The following PDE8A variants were observed in gnomAD, a reference collection of about 807,000 sequenced individuals.
The protein encoded by PDE8A is high affinity cAMP-specific and IBMX-insensitive 3',5'-cyclic phosphodiesterase 8A.
A neutral mutation model predicts 105.0 loss-of-function variants in PDE8A; 59 were observed. The observed-to-expected ratio is 0.56, with a 90% CI of 0.46 to 0.70. The LOEUF (loss-of-function observed/expected upper bound fraction) is 0.70, where lower values mean the gene tolerates loss of function less well. PDE8A is among the 30% of genes least tolerant of loss of function. The probability of loss-of-function intolerance (pLI) is 0.00; values close to 1 mark genes in which losing one functional copy is unlikely to be tolerated. For missense variants in PDE8A, 1,014 were observed against 1,045.9 expected, an observed-to-expected ratio of 0.97 and a Z score of 0.42; for synonymous variants, 355 against 371.9, an observed-to-expected ratio of 0.95 and a Z score of 0.52.
At chr15:84,991,609 T>C (rs2079886488) in intron 1 of PDE8A, among the ~76,000 whole-genome samples, 1 of 152,232 alleles carries the variant, frequency 6.6e-6, no homozygotes, top group African/African-American at 2.4e-5. Flanking sequence ...GAAACTCTTA[T>C]ATATCTTTAC....
intron 1 of PDE8A, among the ~76,000 whole-genome samples, chr15:84,995,579 C>T (rs1212568111): frequency 1.3e-5 from 2 of 152,156 alleles, no homozygotes; most frequent in Non-Finnish European, 2.9e-5. Context: ...CCTCAGCTTC[C>T]CAAAGTGTTG....
chr15:85,094,548 A>G (rs1244391998), intron 8 of PDE8A, among the ~76,000 whole-genome samples: 1 of 152,258 alleles, frequency 6.6e-6, no homozygotes, highest in African/African-American at 2.4e-5. Flanking sequence ...TATCATCTTA[A>G]TTGTCTAGCA....
At chr15:85,006,627 T>C (rs151331099) in intron 1 of PDE8A, among the ~76,000 whole-genome samples, 2 of 152,354 alleles carry the variant, frequency 1.3e-5, no homozygotes, top group Admixed American at 1.3e-4. Flanking sequence ...ATTGGAGAAA[T>C]AGAGTTTTTC....
Position 85,100,046 on chromosome 15 carries a change from G to A in PDE8A, c.973G>A (p.Val325Met). The part of the protein sequence containing the change: ...KIRHYVSIIR[V>M]CNGNNKAEKI... ...TAGACACTATGTGTCCATTATCAGA[G>A]TGTGCAATGGCAACAATAAGGTACG... The change falls in exon 10 of 22, where the codon GTG (valine) becomes ATG (methionine). Residue 325 changes from valine (V) to methionine (M), a missense_variant. Physicochemically the swap from Val to Met is conservative, Grantham distance 21. Coordinates refer to ENST00000394553, the MANE Select transcript of PDE8A (RefSeq NM_002605.3). 1.2e-6 allele frequency: 2 copies of A among 1,613,672 alleles called. No individual in the cohort carries two copies. Among genetic ancestry groups the A allele is most frequent in the Non-Finnish European group, 1.7e-6 (2 of 1,179,748 alleles).
chr15:85,003,570 G>T (rs996118305), intron 1 of PDE8A, among the ~76,000 whole-genome samples: 1 of 152,100 alleles, frequency 6.6e-6, no homozygotes, highest in Non-Finnish European at 1.5e-5. Flanking sequence ...GCCCCAAAAC[G>T]CTTTTTCAGC....
chr15:85,034,307 C>T (rs189429430), intron 1 of PDE8A, among the ~76,000 whole-genome samples: 12 of 152,210 alleles, frequency 7.9e-5, no homozygotes, highest in African/African-American at 2.4e-4. Context: ...TTCTCGTGAA[C>T]GCTTCTTGGA....
At chr15:85,057,963 G>A (rs114756247) in intron 1 of PDE8A, among the ~76,000 whole-genome samples, 2,293 of 152,126 alleles carry the variant, frequency 0.015, 59 homozygotes, top group African/African-American at 0.052. Context: ...GAGGATTTTT[G>A]CATCAGTGTT....
chr15:85,015,234 G>C (rs289419), intron 1 of PDE8A, among the ~76,000 whole-genome samples: 111,389 of 151,244 alleles, frequency 0.74, 41,139 homozygotes, highest in Non-Finnish European at 0.77. Flanking sequence ...ATATGACCTT[G>C]TGCATAAGTC....
intron 12 of PDE8A, 52 bp downstream of exon 12, chr15:85,109,182 A>T (rs768912574): frequency 1.6e-6 from 2 of 1,254,656 alleles, no homozygotes; most frequent in Non-Finnish European, 2.3e-6. Context: ...TGTTGAACAC[A>T]TGGAGCCCTG....
intron 1 of PDE8A, among the ~76,000 whole-genome samples, chr15:84,997,958 A>T (rs2080007221): frequency 6.6e-6 from 1 of 152,198 alleles, no homozygotes; most frequent in African/African-American, 2.4e-5. Flanking sequence ...GTGCACAAAG[A>T]CTTGGATTTA....
chr15:85,050,277 TG>T (rs1390833657), intron 1 of PDE8A, among the ~76,000 whole-genome samples: 1 of 152,218 alleles, frequency 6.6e-6, no homozygotes, highest in Non-Finnish European at 1.5e-5. Flanking sequence ...ATTTTTACTC[TG>T]TTGATGTTGT....
At chr15:85,085,717 T>C (rs1887354380) in intron 6 of PDE8A, among the ~76,000 whole-genome samples, 1 of 145,940 alleles carries the variant, frequency 6.9e-6, no homozygotes, top group African/African-American at 2.5e-5. Context: ...AAGAATTTAG[T>C]AGATGATCGG....
At chr15:84,990,055 A>AGCGCAAAATTTGAACTTTGG (rs1284136603) in intron 1 of PDE8A, among the ~76,000 whole-genome samples, 6 of 152,162 alleles carry the variant, frequency 3.9e-5, no homozygotes, top group Non-Finnish European at 8.8e-5. Context: ...CAAGTACTAG[A>AGCGCAAAATTTGAACTTTGG]GCGCAAAATT....
intron 9 of PDE8A, 47 bp from the exon 10 acceptor site, chr15:85,099,968 A>T: frequency 6.8e-7 from 1 of 1,478,736 alleles, no homozygotes; most frequent in South Asian, 1.2e-5. Flanking sequence ...CATATCCATC[A>T]AATTAGAGAC....
Position 85,138,048 on chromosome 15 carries a change from T to TAACCTTCAGCAGC in PDE8A, c.*152_*153insAGCAGCAACCTTC. The TAACCTTCAGCAGC allele has an allele frequency of 1.7e-6, 1 of 578,736 alleles. No homozygotes were observed. 35.9% of individuals were successfully genotyped at this position (578,736 alleles called of 1,614,324 possible). On this transcript the variant is annotated 3_prime_UTR_variant, in exon 22 of 22. Transcript: ENST00000394553. ...CTGTGAAAGCCCACGGGGACATCAG[T>TAACCTTCAGCAGC]AACCTTCTGCAGCCACCATCCAATG...
rs758535989 is a variant in PDE8A, at chr15:85,121,032, G to A, written c.1952+18G>A. On this transcript the variant is annotated intron_variant, in intron 18 of 21. Coordinates refer to ENST00000394553, the MANE Select transcript of PDE8A (RefSeq NM_002605.3). ...ATGGAGAGGTAAGAACAATGATTGGGAAGTGTGTTGATCCCTCTCTTTCTT... is the reference window on the plus strand; with the variant it reads ...ATGGAGAGGTAAGAACAATGATTGGAAAGTGTGTTGATCCCTCTCTTTCTT... 10 of 1,456,388 alleles carry A rather than the reference G, an allele frequency of 6.9e-6. No homozygotes were observed. The South Asian group carries it at 9.4e-5, about 14-fold the overall frequency. The allele number at this position is 1,456,388 out of a possible 1,614,324, so 90.2% of individuals were successfully genotyped here.
In PDE8A at chr15:85,049,108, TAAAAA is replaced by T. The variant is rs1477830877; in HGVS notation, c.187-15260_187-15256del. On this transcript the variant is annotated intron_variant, in intron 1 of 21. Transcript: ENST00000394553. ...CAGAGTGAGACTCCATCTCAAAAAA[TAAAAA>T]ATAAAATAAAAAAGAAAATGATTAT... 2.0e-5 allele frequency among the ~76,000 whole-genome samples: 3 copies of T among 151,828 alleles called. No individual in the cohort carries two copies. In the East Asian group the frequency reaches 5.8e-4, roughly 29 times the overall value.
intron 8 of PDE8A, among the ~76,000 whole-genome samples, chr15:85,091,780 C>T (rs2081647305): frequency 6.6e-6 from 1 of 151,984 alleles, no homozygotes; most frequent in African/African-American, 2.4e-5. Flanking sequence ...CAGGCTCAGT[C>T]TGAAAGGTTA....
intron 20 of PDE8A, among the ~76,000 whole-genome samples, chr15:85,133,357 C>A (rs561425369): frequency 6.6e-6 from 1 of 152,278 alleles, no homozygotes; most frequent in South Asian, 2.1e-4. Flanking sequence ...AGAGACCAAT[C>A]CTTCAGGCAG....
Sources: allele counts gnomAD v4.1 joint callset (sites outside exome capture counted in the v4.1 genomes callset), GRCh38; gene constraint gnomAD v4.1.1; transcripts MANE v1.5; gene names NCBI Gene and HGNC (gene_info 2026-07-23, HGNC 2026-07-21).